DEK: variants seen among roughly 807,000 people sequenced by gnomAD.
The protein encoded by DEK is DEK proto-oncogene, also known as protein DEK.
In DEK, 28 loss-of-function variants were observed where a neutral mutation model predicts 46.8. The ratio of observed to expected loss-of-function variants is 0.60; its 90% CI spans 0.44 to 0.82. The LOEUF is 0.82. Among genes scored for constraint, DEK ranks in the 40% least tolerant of loss-of-function variants. DEK has a pLI of 0.00. For missense variants in DEK, 416 were observed against 430.6 expected, an observed-to-expected ratio of 0.97 and a Z score of 0.30; for synonymous variants, 160 against 144.5, an observed-to-expected ratio of 1.11 and a Z score of -0.77.
At position 18,255,959 on chromosome 6, in the gene DEK, A is replaced by T. The variant is rs1428729914; in HGVS notation, c.453-108T>A. On this transcript the variant is annotated intron_variant, in intron 5 of 10. Transcript: ENST00000652689. ...CAAATTGGCTCAGTTACATACATTT[A>T]AAAAAGTGGCCAATGCTTCTATGAA... 19 of 1,292,884 alleles carry T rather than the reference A, an allele frequency of 1.5e-5. No homozygotes were observed. In the Middle Eastern group the frequency reaches 9.6e-4, roughly 65 times the overall value. 80.1% of individuals were successfully genotyped at this position (1,292,884 alleles called of 1,614,324 possible). A position where few individuals can be genotyped will look rare whatever the true frequency, so the allele number is the denominator to read the frequency against.
intron 9 of DEK, among the ~76,000 whole-genome samples, chr6:18,228,724 A>G (rs1358057014): frequency 6.6e-6 from 1 of 152,236 alleles, no homozygotes. Context: ...CCAGGAGATT[A>G]TATCCCGCGC....
intron 5 of DEK, 113 bp downstream of exon 5, chr6:18,256,248 A>G: frequency 1.1e-6 from 1 of 894,436 alleles, no homozygotes. Context: ...CAGCCTCCCA[A>G]AGTGCTGGGA....
intron 9 of DEK, among the ~76,000 whole-genome samples, chr6:18,226,577 G>A (rs1180733975): frequency 2.6e-5 from 4 of 152,170 alleles, no homozygotes; most frequent in African/African-American, 7.2e-5. Context: ...CCAGGAATTC[G>A]AAACCAGCCT....
At chr6:18,255,992 T>TA in intron 5 of DEK, 141 bp from the exon 6 acceptor site, 1 of 985,922 alleles carries the variant, frequency 1.0e-6, no homozygotes, top group Non-Finnish European at 1.3e-6. Flanking sequence ...GAATCTTTTT[T>TA]CTTTTTTTTT....
At chr6:18,228,491 A>G (rs214501) in intron 9 of DEK, among the ~76,000 whole-genome samples, 50,261 of 151,582 alleles carry the variant, frequency 0.33, 10,216 homozygotes, top group African/African-American at 0.57. Flanking sequence ...CTGAGATACC[A>G]GGTTCATCTC....
At chr6:18,240,938 C>A (rs1790866035) in intron 7 of DEK, among the ~76,000 whole-genome samples, 1 of 152,112 alleles carries the variant, frequency 6.6e-6, no homozygotes, top group Admixed American at 6.5e-5. Context: ...ACGACATGGC[C>A]CGCAAACATC....
intron 6 of DEK, among the ~76,000 whole-genome samples, chr6:18,250,789 C>G (rs941257135): frequency 4.0e-5 from 6 of 151,776 alleles, no homozygotes; most frequent in Non-Finnish European, 8.8e-5. Context: ...GCCACCACGC[C>G]TGGCCCATAA....
chr6:18,262,456 C>A (rs1791919638), intron 2 of DEK, among the ~76,000 whole-genome samples: 1 of 152,120 alleles, frequency 6.6e-6, no homozygotes, highest in Non-Finnish European at 1.5e-5. Context: ...TAAATCACAG[C>A]TACAATAAAA....
At position 18,224,524 on chromosome 6, in the gene DEK, AT is replaced by A; in HGVS notation, c.*1194del. On this transcript the variant is annotated 3_prime_UTR_variant, in exon 11 of 11. Coordinates refer to ENST00000652689, the MANE Select transcript of DEK (RefSeq NM_003472.4). ...ATTAAGTCTCATTCAGGAGTGGTCCATTATGTTGATCATCTAGAATCAACAC... is the reference window on the plus strand; with the variant it reads ...ATTAAGTCTCATTCAGGAGTGGTCCATATGTTGATCATCTAGAATCAACAC... 5.0e-6 allele frequency: 1 copy of A among 201,806 alleles called. No homozygotes were observed. Among genetic ancestry groups the A allele is most frequent in the Non-Finnish European group, 1.0e-5 (1 of 98,104 alleles). 12.5% of individuals were successfully genotyped at this position (201,806 alleles called of 1,614,324 possible).
At position 18,258,068 on chromosome 6, in the gene DEK, GA is replaced by G. The variant is rs749024423; in HGVS notation, c.248-7del. The stretch of plus-strand genomic sequence containing the variant: ...ACAAAGTTTCTGCCCCTTTCCTGGG[GA>G]AAAAAAAAAATCACAATTAAATACC... On this transcript the variant is annotated splice_region_variant and splice_polypyrimidine_tract_variant and intron_variant, in intron 3 of 10. Transcript: ENST00000652689. 0.019 allele frequency: 22,393 copies of G among 1,174,992 alleles called. 23 individuals are homozygous for G. Among genetic ancestry groups the G allele is most frequent in the African/African-American group, 0.032 (1,994 of 61,524 alleles). The allele number at this position is 1,174,992 out of a possible 1,614,324, so 72.8% of individuals were successfully genotyped here.
At chr6:18,240,975 C>T (rs1790867783) in intron 7 of DEK, among the ~76,000 whole-genome samples, 1 of 152,100 alleles carries the variant, frequency 6.6e-6, no homozygotes, top group South Asian at 2.1e-4. Context: ...GTCATTTATA[C>T]AGAATTTCAT....
chr6:18,240,267 G>A (rs1183623934), intron 7 of DEK, among the ~76,000 whole-genome samples: 1 of 152,208 alleles, frequency 6.6e-6, no homozygotes, highest in Non-Finnish European at 1.5e-5. Context: ...CATATCTGCT[G>A]TAAAGGATAA....
At chr6:18,249,017 C>T (rs1373488352) in intron 7 of DEK, among the ~76,000 whole-genome samples, 1 of 152,030 alleles carries the variant, frequency 6.6e-6, no homozygotes, top group Admixed American at 6.6e-5. Flanking sequence ...TACCCACTCT[C>T]CATGATCTAC....
chr6:18,247,045 G>T (rs748583115), intron 7 of DEK, among the ~76,000 whole-genome samples: 9 of 152,108 alleles, frequency 5.9e-5, no homozygotes, highest in Non-Finnish European at 1.3e-4. Flanking sequence ...TCCTTCCATA[G>T]TAATGACCAA....
intron 7 of DEK, among the ~76,000 whole-genome samples, chr6:18,249,331 T>C (rs1181122063): frequency 1.3e-5 from 2 of 152,232 alleles, no homozygotes; most frequent in South Asian, 2.1e-4. Context: ...TCGAAGAATC[T>C]GCTCCTATGT....
chr6:18,250,226 T>A (rs906556798), intron 6 of DEK, among the ~76,000 whole-genome samples: 3 of 152,148 alleles, frequency 2.0e-5, no homozygotes, highest in Admixed American at 1.3e-4. Context: ...ACCCAGCACT[T>A]TGGGACGCCG....
At chr6:18,259,197 A>T (rs1791732080) in intron 2 of DEK, among the ~76,000 whole-genome samples, 1 of 149,318 alleles carries the variant, frequency 6.7e-6, no homozygotes, top group Non-Finnish European at 1.5e-5. Context: ...GATCAAGACC[A>T]TCCTGGCTAA....
At chr6:18,257,336 T>C (rs1435069593) in intron 4 of DEK, among the ~76,000 whole-genome samples, 2 of 152,214 alleles carry the variant, frequency 1.3e-5, no homozygotes, top group African/African-American at 4.8e-5. Flanking sequence ...TTTCAATACA[T>C]TTAAAGGTCA....
At position 18,242,871 on chromosome 6, in the gene DEK, T is replaced by C. The variant is rs546964257; in HGVS notation, c.763-5355A>G. ...ATAGTAAGAACAAATCTTCTATATG[T>C]GAAATTGTGAAGGGAAAAGAACTTT... On this transcript the variant is annotated intron_variant, in intron 7 of 10. Transcript: ENST00000652689. Among the ~76,000 whole-genome samples, 4 of 152,250 alleles carry C rather than the reference T, an allele frequency of 2.6e-5. No homozygotes were observed. The East Asian group carries it at 7.7e-4, about 29-fold the overall frequency.
Sources: gnomAD v4.1 joint callset for allele counts (sites outside exome capture counted in the v4.1 genomes callset) on GRCh38, gnomAD v4.1.1 for gene constraint, MANE v1.5 for transcripts, NCBI Gene and HGNC (gene_info 2026-07-23, HGNC 2026-07-21) for gene names.